Variants in XKR4 observed in about 807,000 individuals in gnomAD.
The protein encoded by XKR4 is XK-related protein 4.
Under a neutral mutation model 53.9 loss-of-function variants are expected in XKR4, and 12 were observed. That is an observed-to-expected ratio of 0.22 (90% CI 0.14 to 0.36). The LOEUF is 0.36. XKR4 is among the 10% of genes least tolerant of loss of function. XKR4 has a pLI of 1.00. For missense variants in XKR4, 799 were observed against 859.5 expected (o/e 0.93, Z 0.88); for synonymous variants, 354 against 362.4 (o/e 0.98, Z 0.26).
At position 55,469,780 on chromosome 8, in the gene XKR4, G is replaced by T. The variant is rs192758633; in HGVS notation, c.1007-53501G>T. ...TGACTATAAGCTATGAGCTAACTAG[G>T]AACAAATCTTGTACTAAAGATTTGA... On this transcript the variant is annotated intron_variant, in intron 2 of 2. Transcript: ENST00000327381. Among the ~76,000 whole-genome samples the T allele has an allele frequency of 1.0e-3, 155 of 152,178 alleles. 1 individual carries two copies. The highest frequency in any genetic ancestry group is 4.4e-3 in the Admixed American group (67 of 15,274).
intron 2 of XKR4, among the ~76,000 whole-genome samples, chr8:55,428,432 G>A (rs1349015511): frequency 1.3e-5 from 2 of 152,170 alleles, no homozygotes; most frequent in Admixed American, 6.5e-5. Flanking sequence ...CTTTTAGACA[G>A]TTGCCACTCT....
chr8:55,455,037 CCTT>C lies in XKR4; in HGVS notation c.1007-68241_1007-68239del. On this transcript the variant is annotated intron_variant, in intron 2 of 2. Coordinates refer to ENST00000327381, the MANE Select transcript of XKR4 (RefSeq NM_052898.2). ...TGGGGGAATGGGTTGGCCTCCCAGT[CCTT>C]CTCCGGGAAGAACTGCAGAATCTGG... 4.0e-6 allele frequency: 3 copies of C among 741,648 alleles called. No homozygotes were observed. In the South Asian group the frequency reaches 4.3e-5, roughly 11 times the overall value. 45.9% of individuals were successfully genotyped at this position (741,648 alleles called of 1,614,324 possible).
intron 1 of XKR4, among the ~76,000 whole-genome samples, chr8:55,106,927 G>C (rs1202507031): frequency 1.3e-5 from 2 of 152,020 alleles, no homozygotes; most frequent in Non-Finnish European, 2.9e-5. Context: ...CAAATAAGTT[G>C]GGAAAATGAC....
rs1480238965 is a variant in XKR4 at position 55,148,421 on chromosome 8, T to A, written c.806+45127T>A. ...CCCTGTCTAAAAAAAAATATATATA[T>A]ATATACCATAGCTTAGGTTGACCAG... On this transcript the variant is annotated intron_variant, in intron 1 of 2. Coordinates refer to ENST00000327381, the MANE Select transcript of XKR4 (RefSeq NM_052898.2). Among the ~76,000 whole-genome samples the A allele has an allele frequency of 2.0e-5, 3 of 151,880 alleles. No homozygotes were observed. The East Asian group carries it at 5.8e-4, about 29-fold the overall frequency.
In XKR4 at chr8:55,361,216, G is replaced by A. The variant is rs146592781; in HGVS notation, c.1006+3339G>A. On this transcript the variant is annotated intron_variant, in intron 2 of 2. Transcript: ENST00000327381. ...CCAGAGAGTTTCCAGTTTACAGGTCGTTATGGTTTTCCAATCCCAATCCCT... is the reference window on the plus strand; with the variant it reads ...CCAGAGAGTTTCCAGTTTACAGGTCATTATGGTTTTCCAATCCCAATCCCT... Among the ~76,000 whole-genome samples, 10 of 152,262 alleles carry A rather than the reference G, an allele frequency of 6.6e-5. No homozygotes were observed. The East Asian group carries it at 9.7e-4, about 15-fold the overall frequency.
intron 2 of XKR4, among the ~76,000 whole-genome samples, chr8:55,491,551 C>T (rs936377837): frequency 1.3e-5 from 2 of 152,088 alleles, no homozygotes; most frequent in South Asian, 2.1e-4. Flanking sequence ...TTTAGCTCTA[C>T]TTTTTAAGAC....
At chr8:55,122,959 G>A (rs1816412572) in intron 1 of XKR4, among the ~76,000 whole-genome samples, 1 of 151,156 alleles carries the variant, frequency 6.6e-6, no homozygotes, top group African/African-American at 2.4e-5. Context: ...TTCATGGGGT[G>A]TGTGTACAAG....
chr8:55,303,389 T>C (rs1819235777), intron 1 of XKR4, among the ~76,000 whole-genome samples: 1 of 152,174 alleles, frequency 6.6e-6, no homozygotes, highest in African/African-American at 2.4e-5. Flanking sequence ...TGCTGCTGGA[T>C]TCGGTTTGCC....
intron 2 of XKR4, among the ~76,000 whole-genome samples, chr8:55,389,078 C>G (rs960119923): frequency 1.3e-5 from 2 of 152,164 alleles, no homozygotes; most frequent in Non-Finnish European, 2.9e-5. Flanking sequence ...CACGAACATG[C>G]ACACACAGGG....
At chr8:55,235,423 A>G (rs1161360214) in intron 1 of XKR4, among the ~76,000 whole-genome samples, 1 of 152,228 alleles carries the variant, frequency 6.6e-6, no homozygotes, top group Admixed American at 6.5e-5. Context: ...GATGCAAAAA[A>G]TATCTGCCTC....
At chr8:55,117,258 A>G (rs987544599) in intron 1 of XKR4, among the ~76,000 whole-genome samples, 3 of 152,170 alleles carry the variant, frequency 2.0e-5, no homozygotes, top group Non-Finnish European at 4.4e-5. Flanking sequence ...ATATTTCAAA[A>G]TACTAGATAA....
intron 1 of XKR4, among the ~76,000 whole-genome samples, chr8:55,220,706 A>C (rs1817870110): frequency 6.6e-6 from 1 of 152,206 alleles, no homozygotes; most frequent in South Asian, 2.1e-4. Context: ...ACCACCTTCT[A>C]GGTCTTACTG....
chr8:55,235,324 A>G lies in XKR4; in HGVS notation c.807-122354A>G, dbSNP rs371277526. 5.0e-4 allele frequency among the ~76,000 whole-genome samples: 76 copies of G among 152,336 alleles called. 2 individuals are homozygous for G. The South Asian group carries it at 0.015, about 30-fold the overall frequency. ...ACATCTGCAAAAACCCTATTTTCAAATAAGGTTACTTTCTAAGGTTCCTGG... is the reference window on the plus strand; with the variant it reads ...ACATCTGCAAAAACCCTATTTTCAAGTAAGGTTACTTTCTAAGGTTCCTGG... On this transcript the variant is annotated intron_variant, in intron 1 of 2. Transcript: ENST00000327381.
intron 2 of XKR4, among the ~76,000 whole-genome samples, chr8:55,504,451 G>T (rs148449173): frequency 1.3e-5 from 2 of 151,914 alleles, no homozygotes; most frequent in African/African-American, 4.8e-5. Context: ...CTGATCTCAG[G>T]CAATCTGCCC....
At chr8:55,493,910 G>T (rs564683245) in intron 2 of XKR4, among the ~76,000 whole-genome samples, 1 of 152,198 alleles carries the variant, frequency 6.6e-6, no homozygotes, top group African/African-American at 2.4e-5. Flanking sequence ...AGTAATCTTC[G>T]TATCCATCCA....
intron 1 of XKR4, among the ~76,000 whole-genome samples, chr8:55,248,672 T>A (rs4332108): frequency 0.26 from 39,926 of 152,182 alleles, 5,573 homozygotes; most frequent in East Asian, 0.5. Context: ...CACATGAATG[T>A]AAATAATGTA....
chr8:55,428,166 A>G (rs570441072), intron 2 of XKR4, among the ~76,000 whole-genome samples: 11 of 152,336 alleles, frequency 7.2e-5, no homozygotes, highest in African/African-American at 2.6e-4. Flanking sequence ...TAAAACTAAA[A>G]ACCCTGGACA....
At chr8:55,154,733 C>G (rs1187065410) in intron 1 of XKR4, among the ~76,000 whole-genome samples, 1 of 152,164 alleles carries the variant, frequency 6.6e-6, no homozygotes, top group Non-Finnish European at 1.5e-5. Context: ...ACAAGAAGCT[C>G]ATTCCCATCA....
rs5891562 is a variant in XKR4 at position 55,219,011 on chromosome 8, C to CTTTTTTT, written c.806+115724_806+115730dup. 1.0e-3 allele frequency among the ~76,000 whole-genome samples: 152 copies of CTTTTTTT among 146,028 alleles called. 1 individual carries two copies. The highest frequency in any genetic ancestry group is 3.5e-3 in the African/African-American group (140 of 39,708). On this transcript the variant is annotated intron_variant, in intron 1 of 2. Transcript: ENST00000327381. Reference sequence around the variant, plus strand: ...CCTCAAATCAAATTCTAGAAGCAGTCTTTTTTTTTTTTTGTAAGATAGAAG... The same window carrying CTTTTTTT: ...CCTCAAATCAAATTCTAGAAGCAGTCTTTTTTTTTTTTTTTTTTTTGTAAGATAGAAG...
Sources: allele counts gnomAD v4.1 joint callset (sites outside exome capture counted in the v4.1 genomes callset), GRCh38; gene constraint gnomAD v4.1.1; transcripts MANE v1.5; gene names NCBI Gene and HGNC (gene_info 2026-07-23, HGNC 2026-07-21).